TFCP2L1: variants seen among roughly 807,000 people sequenced by gnomAD.
TFCP2L1 encodes transcription factor CP2 like 1, also known as transcription factor CP2-like protein 1.
A neutral mutation model predicts 72.2 loss-of-function variants in TFCP2L1; 12 were observed. That is an observed-to-expected ratio of 0.17 (90% CI 0.11 to 0.27). TFCP2L1 has a LOEUF of 0.27. Ranked by LOEUF, TFCP2L1 falls within the 10% of genes least tolerant of loss-of-function variation. TFCP2L1 has a pLI of 1.00. For missense variants in TFCP2L1, 488 were observed against 624.6 expected (o/e 0.78, Z 2.33); for synonymous variants, 260 against 251.0 (o/e 1.04, Z -0.34).
chr2:121,264,944 C>A (rs1686900478), intron 2 of TFCP2L1, among the ~76,000 whole-genome samples: 1 of 152,190 alleles, frequency 6.6e-6, no homozygotes, highest in African/African-American at 2.4e-5. Flanking sequence ...GTTCCAGAGT[C>A]ACCATTTGAC....
chr2:121,277,531 C>T (rs1461431911), intron 2 of TFCP2L1, among the ~76,000 whole-genome samples: 1 of 152,148 alleles, frequency 6.6e-6, no homozygotes, highest in Admixed American at 6.5e-5. Context: ...TCCAGAAATT[C>T]TACTTCTTAG....
intron 7 of TFCP2L1, chr2:121,240,067 C>G: frequency 1.0e-6 from 1 of 984,978 alleles, no homozygotes; most frequent in Non-Finnish European, 1.2e-6. Flanking sequence ...AACTTCCAAA[C>G]AAAAAAATAA....
intron 13 of TFCP2L1, among the ~76,000 whole-genome samples, chr2:121,229,720 A>G (rs978875514): frequency 6.6e-6 from 1 of 152,210 alleles, no homozygotes; most frequent in Non-Finnish European, 1.5e-5. Flanking sequence ...CCTTATCTGT[A>G]CTACAGTCTG....
chr2:121,253,370 A>G (rs745508791), intron 2 of TFCP2L1, among the ~76,000 whole-genome samples: 16 of 152,256 alleles, frequency 1.1e-4, no homozygotes, highest in Non-Finnish European at 1.5e-4. Context: ...TCCCTATTCA[A>G]CATGGCTGAC....
At chr2:121,280,010 G>T (rs1448785447) in intron 2 of TFCP2L1, among the ~76,000 whole-genome samples, 1 of 152,078 alleles carries the variant, frequency 6.6e-6, no homozygotes, top group Non-Finnish European at 1.5e-5. Flanking sequence ...TGCAAAAAAC[G>T]CATACTCATA....
chr2:121,244,903 G>C (rs151329353), intron 6 of TFCP2L1, among the ~76,000 whole-genome samples: 114 of 152,238 alleles, frequency 7.5e-4, no homozygotes, highest in African/African-American at 2.6e-3. Flanking sequence ...GTCCAGGACC[G>C]GCAGATCCCA....
intron 2 of TFCP2L1, among the ~76,000 whole-genome samples, chr2:121,279,348 G>T (rs184524468): frequency 6.6e-6 from 1 of 152,190 alleles, no homozygotes; most frequent in South Asian, 2.1e-4. Context: ...TCCACACAGC[G>T]GCACAGATGC....
chr2:121,248,619 T>A (rs1207289724), intron 4 of TFCP2L1, among the ~76,000 whole-genome samples: 1 of 152,170 alleles, frequency 6.6e-6, no homozygotes, highest in African/African-American at 2.4e-5. Context: ...GGTAAAGGAC[T>A]GTGGGCCAGT....
At chr2:121,253,241 G>A (rs1190317352) in intron 2 of TFCP2L1, among the ~76,000 whole-genome samples, 1 of 152,234 alleles carries the variant, frequency 6.6e-6, no homozygotes, top group East Asian at 1.9e-4. Context: ...CCAAACCCCA[G>A]TGCTGCTCAT....
At chr2:121,227,834 G>C (rs1415254906) in intron 13 of TFCP2L1, among the ~76,000 whole-genome samples, 1 of 151,172 alleles carries the variant, frequency 6.6e-6, no homozygotes, top group Non-Finnish European at 1.5e-5. Context: ...TTACTGCCTC[G>C]AATCTTGCAA....
At chr2:121,281,631 G>T (rs932911689) in intron 1 of TFCP2L1, among the ~76,000 whole-genome samples, 1 of 152,112 alleles carries the variant, frequency 6.6e-6, no homozygotes, top group Non-Finnish European at 1.5e-5. Flanking sequence ...ATCCACAAGC[G>T]ATCACTCATA....
intron 13 of TFCP2L1, among the ~76,000 whole-genome samples, chr2:121,226,252 G>A (rs1373624516): frequency 2.0e-5 from 3 of 151,620 alleles, no homozygotes; most frequent in African/African-American, 7.3e-5. Flanking sequence ...ACAGAATCAA[G>A]GTGTGACATG....
At chr2:121,283,151 AC>A (rs1256701964) in intron 1 of TFCP2L1, among the ~76,000 whole-genome samples, 3 of 152,182 alleles carry the variant, frequency 2.0e-5, no homozygotes, top group African/African-American at 7.2e-5. Flanking sequence ...GAAGTTAAGA[AC>A]CATCCCTCAA....
intron 2 of TFCP2L1, among the ~76,000 whole-genome samples, chr2:121,265,107 G>C (rs921848530): frequency 6.6e-6 from 1 of 152,142 alleles, no homozygotes; most frequent in African/African-American, 2.4e-5. Context: ...TAAATAAAAC[G>C]TGGTACATCC....
At chr2:121,242,265 C>A in intron 7 of TFCP2L1, 94 bp downstream of exon 7, 1 of 1,098,818 alleles carries the variant, frequency 9.1e-7, no homozygotes, top group East Asian at 2.4e-5. Context: ...GAAGTAGTCA[C>A]CCGAGATGGG....
chr2:121,272,249 T>G (rs1687061650), intron 2 of TFCP2L1, among the ~76,000 whole-genome samples: 1 of 152,230 alleles, frequency 6.6e-6, no homozygotes, highest in Non-Finnish European at 1.5e-5. Context: ...CGACGCATCT[T>G]GGGAGAACAA....
chr2:121,231,706 G>C (rs1686146748), intron 13 of TFCP2L1, 120 bp downstream of exon 13: 3 of 1,391,656 alleles, frequency 2.2e-6, no homozygotes, highest in African/African-American at 2.8e-5. Context: ...AGCTGCAGGT[G>C]GTGTGCAGAT....
intron 2 of TFCP2L1, among the ~76,000 whole-genome samples, chr2:121,280,729 A>C (rs1435495781): frequency 1.4e-5 from 2 of 146,726 alleles, no homozygotes; most frequent in Non-Finnish European, 3.0e-5. Context: ...ATGCCACTGC[A>C]TGCCAGCCTG....
intron 2 of TFCP2L1, among the ~76,000 whole-genome samples, chr2:121,257,034 T>C (rs112413691): frequency 2.6e-5 from 4 of 152,228 alleles, no homozygotes; most frequent in Non-Finnish European, 5.9e-5. Context: ...TGGAAAGGCT[T>C]CAAGGCAACT....
Sources: gnomAD v4.1 joint callset for allele counts (sites outside exome capture counted in the v4.1 genomes callset) on GRCh38, gnomAD v4.1.1 for gene constraint, MANE v1.5 for transcripts, NCBI Gene and HGNC (gene_info 2026-07-23, HGNC 2026-07-21) for gene names.